Variants in RAB27B observed in about 807,000 individuals in gnomAD.
The protein encoded by RAB27B is ras-related protein Rab-27B.
Under a neutral mutation model 24.6 loss-of-function variants are expected in RAB27B, and 15 were observed. That is an observed-to-expected ratio of 0.61 (90% CI 0.41 to 0.94). The LOEUF (loss-of-function observed/expected upper bound fraction) is 0.94, where lower values mean the gene tolerates loss of function less well. Ranked by LOEUF, RAB27B falls within the 40% of genes least tolerant of loss-of-function variation. The pLI, the probability that RAB27B is intolerant of heterozygous loss-of-function variation, is 0.00. For synonymous variants in RAB27B, 105 were observed against 92.5 expected (o/e 1.14, Z -0.78); for missense variants, 261 against 266.8 (o/e 0.98, Z 0.15).
intron 2 of RAB27B, among the ~76,000 whole-genome samples, chr18:54,822,764 GT>G (rs751496421): frequency 1.3e-5 from 2 of 151,846 alleles, no homozygotes; most frequent in African/African-American, 2.4e-5. Context: ...CTGCTTATAG[GT>G]TTTTTTAATA....
intron 2 of RAB27B, 145 bp downstream of exon 2, chr18:54,877,883 TTAC>T: frequency 1.1e-6 from 1 of 891,312 alleles, no homozygotes; most frequent in Non-Finnish European, 1.6e-6. Flanking sequence ...AGAATATTAT[TTAC>T]TACTTTTCAA....
chr18:54,777,023 GA>G (rs762540319), intron 2 of RAB27B, among the ~76,000 whole-genome samples: 1 of 151,794 alleles, frequency 6.6e-6, no homozygotes, highest in East Asian at 1.9e-4. Flanking sequence ...GGGCCTGGGT[GA>G]CAAAACAAGT....
chr18:54,814,864 T>C (rs1910074209), intron 2 of RAB27B, among the ~76,000 whole-genome samples: 1 of 152,250 alleles, frequency 6.6e-6, no homozygotes, highest in Admixed American at 6.5e-5. Context: ...ATCAAGTTTA[T>C]ACGTTTAAGT....
intron 4 of RAB27B, among the ~76,000 whole-genome samples, chr18:54,885,712 G>A (rs1913107712): frequency 6.6e-6 from 1 of 152,032 alleles, no homozygotes. Flanking sequence ...TGTTGTGTTA[G>A]TTCATTCTTG....
intron 2 of RAB27B, among the ~76,000 whole-genome samples, chr18:54,769,101 AG>A (rs1206621052): frequency 6.6e-6 from 1 of 152,156 alleles, no homozygotes; most frequent in African/African-American, 2.4e-5. Flanking sequence ...GTCTCATCTG[AG>A]ACAAGGCAAG....
chr18:54,780,497 C>A (rs1447158749), intron 2 of RAB27B, among the ~76,000 whole-genome samples: 1 of 151,794 alleles, frequency 6.6e-6, no homozygotes, highest in African/African-American at 2.4e-5. Context: ...ATGGTTTCGC[C>A]CTCACCGTGT....
At chr18:54,828,966 C>T (rs886793319) in intron 1 of RAB27B, among the ~76,000 whole-genome samples, 7 of 152,050 alleles carry the variant, frequency 4.6e-5, no homozygotes, top group Non-Finnish European at 2.9e-5. Flanking sequence ...CCAAAAAAAG[C>T]AAAAAGAAAA....
chr18:54,849,479 A>T (rs1417898905), intron 1 of RAB27B, among the ~76,000 whole-genome samples: 2 of 152,184 alleles, frequency 1.3e-5, no homozygotes, highest in African/African-American at 2.4e-5. Flanking sequence ...GCGCTTTGGG[A>T]GGCCGAGGGA....
chr18:54,859,458 CT>C (rs1911923375), intron 1 of RAB27B, among the ~76,000 whole-genome samples: 1 of 149,992 alleles, frequency 6.7e-6, no homozygotes, highest in Non-Finnish European at 1.5e-5. Flanking sequence ...TATTTCATAA[CT>C]TTTATCAGCC....
intron 2 of RAB27B, among the ~76,000 whole-genome samples, chr18:54,727,247 T>G (rs945204736): frequency 2.6e-5 from 4 of 152,210 alleles, no homozygotes; most frequent in African/African-American, 9.6e-5. Flanking sequence ...GTGCTGGGAT[T>G]ACAGGTGTGA....
chr18:54,811,513 A>G (rs1476431199), intron 2 of RAB27B, among the ~76,000 whole-genome samples: 7 of 152,152 alleles, frequency 4.6e-5, no homozygotes, highest in African/African-American at 1.7e-4. Context: ...TGCACAATTT[A>G]CACGAGAGGA....
intron 1 of RAB27B, among the ~76,000 whole-genome samples, chr18:54,863,493 G>A (rs1157846534): frequency 6.6e-6 from 1 of 152,142 alleles, no homozygotes; most frequent in Admixed American, 6.6e-5. Flanking sequence ...TCTTGTTGGG[G>A]TTTTTAATAA....
chr18:54,833,026 A>T (rs1389046012), intron 1 of RAB27B, among the ~76,000 whole-genome samples: 2 of 152,172 alleles, frequency 1.3e-5, no homozygotes, highest in Non-Finnish European at 2.9e-5. Flanking sequence ...TGTAGAACAG[A>T]TGAATAAAGG....
intron 1 of RAB27B, among the ~76,000 whole-genome samples, chr18:54,871,183 A>C (rs1912450319): frequency 6.6e-6 from 1 of 152,202 alleles, no homozygotes; most frequent in Non-Finnish European, 1.5e-5. Context: ...CTGCCTTCCT[A>C]ATAGAACAAA....
intron 2 of RAB27B, among the ~76,000 whole-genome samples, chr18:54,816,648 G>A (rs1598926484): frequency 6.6e-6 from 1 of 152,268 alleles, no homozygotes; most frequent in East Asian, 1.9e-4. Context: ...GTTCCAAATC[G>A]TGGTTCCAAG....
intron 1 of RAB27B, among the ~76,000 whole-genome samples, chr18:54,851,633 A>G (rs1303099817): frequency 6.6e-6 from 1 of 152,200 alleles, no homozygotes; most frequent in Non-Finnish European, 1.5e-5. Context: ...TAAACCTGGC[A>G]TCAGTAAATT....
At chr18:54,738,348 T>C (rs867513276) in intron 2 of RAB27B, among the ~76,000 whole-genome samples, 13 of 152,226 alleles carry the variant, frequency 8.5e-5, no homozygotes, top group African/African-American at 3.1e-4. Flanking sequence ...TCCCCATGTA[T>C]TGAGGGAGGG....
chr18:54,870,235 A>C (rs1032202549), intron 1 of RAB27B, among the ~76,000 whole-genome samples: 4 of 152,172 alleles, frequency 2.6e-5, no homozygotes, highest in African/African-American at 9.6e-5. Flanking sequence ...AGCACATTAA[A>C]AATGATACAT....
At chr18:54,749,653 A>G (rs142309505) in intron 2 of RAB27B, among the ~76,000 whole-genome samples, 194 of 152,352 alleles carry the variant, frequency 1.3e-3, no homozygotes, top group African/African-American at 4.3e-3. Context: ...ATTTCTAAAA[A>G]GAATGTTATA....
Sources: gnomAD v4.1 joint callset for allele counts (sites outside exome capture counted in the v4.1 genomes callset) on GRCh38, gnomAD v4.1.1 for gene constraint, MANE v1.5 for transcripts, NCBI Gene and HGNC (gene_info 2026-07-23, HGNC 2026-07-21) for gene names.